PHF24: variants seen among roughly 807,000 people sequenced by gnomAD.
The protein encoded by PHF24 is Galpha inhibitory interacting protein.
In PHF24, 25 loss-of-function variants were observed where a neutral mutation model predicts 42.6. That is an observed-to-expected ratio of 0.59 (90% confidence interval 0.43 to 0.82). PHF24 has a LOEUF of 0.82. Among genes scored for constraint, PHF24 ranks in the 40% least tolerant of loss-of-function variants. The probability of loss-of-function intolerance (pLI) is 0.00; values close to 1 mark genes in which losing one functional copy is unlikely to be tolerated. For synonymous variants in PHF24, 185 were observed against 204.8 expected (o/e 0.90, Z 0.83); for missense variants, 470 against 538.1 (o/e 0.87, Z 1.25).
chr9:34,814,826 T>C, the PHF24 span, among the ~76,000 whole-genome samples: 2 of 152,104 alleles, frequency 1.3e-5, no homozygotes, highest in Non-Finnish European at 2.9e-5. Context: ...CTGCAACCTC[T>C]GCCTCCCGGG....
At chr9:34,876,872 G>A in the PHF24 span, among the ~76,000 whole-genome samples, 3 of 152,090 alleles carry the variant, frequency 2.0e-5, no homozygotes, top group Admixed American at 1.3e-4. Flanking sequence ...CTTCCACACC[G>A]ATGTTCATAG....
At chr9:34,898,233 C>G in the PHF24 span, among the ~76,000 whole-genome samples, 1 of 152,196 alleles carries the variant, frequency 6.6e-6, no homozygotes, top group Non-Finnish European at 1.5e-5. Context: ...ACTTTTAGTT[C>G]TTTAAGGAAT....
At chr9:34,881,613 G>T in the PHF24 span, among the ~76,000 whole-genome samples, 2 of 152,180 alleles carry the variant, frequency 1.3e-5, no homozygotes, top group Non-Finnish European at 2.9e-5. Flanking sequence ...AAATCTAGAA[G>T]AAATGGATAA....
chr9:34,705,301 C>A, the PHF24 span, among the ~76,000 whole-genome samples: 1 of 152,174 alleles, frequency 6.6e-6, no homozygotes, highest in Admixed American at 6.5e-5. Flanking sequence ...GGGTTTATGC[C>A]TTTATTTTAT....
the PHF24 span, among the ~76,000 whole-genome samples, chr9:34,901,078 G>A: frequency 6.6e-6 from 1 of 152,098 alleles, no homozygotes; most frequent in South Asian, 2.1e-4. Context: ...TGCATTTGTA[G>A]TTTAAATCTT....
the PHF24 span, among the ~76,000 whole-genome samples, chr9:34,739,117 G>C: frequency 2.0e-5 from 3 of 152,108 alleles, no homozygotes; most frequent in African/African-American, 7.2e-5. Flanking sequence ...GTTGTTTTGA[G>C]GTGATTTTCT....
the PHF24 span, chr9:34,895,489 A>G: frequency 2.5e-6 from 1 of 398,116 alleles, no homozygotes; most frequent in African/African-American, 2.1e-5. Context: ...CCCCTTTAAA[A>G]AGCAAGGGCT....
At chr9:34,960,564 T>A (rs1826555774) in intron 1 of PHF24, among the ~76,000 whole-genome samples, 1 of 152,154 alleles carries the variant, frequency 6.6e-6, no homozygotes. Flanking sequence ...TTAAAGAAAG[T>A]CAGAAGGACC....
chr9:34,772,038 C>T, the PHF24 span, among the ~76,000 whole-genome samples: 2 of 152,190 alleles, frequency 1.3e-5, no homozygotes, highest in African/African-American at 4.8e-5. Flanking sequence ...AATTTGAAAG[C>T]TGATTCTTAA....
At chr9:34,752,609 AAAG>A in the PHF24 span, among the ~76,000 whole-genome samples, 1 of 152,190 alleles carries the variant, frequency 6.6e-6, no homozygotes, top group Non-Finnish European at 1.5e-5. Context: ...CCAAACATTT[AAAG>A]AAGAACTAAT....
the PHF24 span, among the ~76,000 whole-genome samples, chr9:34,720,140 G>A: frequency 6.6e-6 from 1 of 152,138 alleles, no homozygotes; most frequent in East Asian, 1.9e-4. Flanking sequence ...GCATCCCACT[G>A]TCCCTCAAAA....
chr9:34,958,070 CG>C (rs1032659397), upstream of PHF24, among the ~76,000 whole-genome samples: 1 of 149,874 alleles, frequency 6.7e-6, no homozygotes, highest in African/African-American at 2.4e-5. The surrounding 1 kb of genome is among the most constrained non-coding windows in gnomAD (Gnocchi z 4.5). Context: ...GCGCGCCCGT[CG>C]CCGGTCACCC....
At chr9:34,684,107 G>A in the PHF24 span, among the ~76,000 whole-genome samples, 1 of 152,094 alleles carries the variant, frequency 6.6e-6, no homozygotes, top group Non-Finnish European at 1.5e-5. Context: ...AGTTTCAGTG[G>A]CTTGCAAGTA....
At chr9:34,708,895 G>A in the PHF24 span, 1 of 163,328 alleles carries the variant, frequency 6.1e-6, no homozygotes, top group Non-Finnish European at 1.3e-5. Flanking sequence ...AACTCTTGGG[G>A]TAGATGAGAA....
At chr9:34,826,534 C>G in the PHF24 span, among the ~76,000 whole-genome samples, 1 of 152,348 alleles carries the variant, frequency 6.6e-6, no homozygotes, top group South Asian at 2.1e-4. Context: ...CTTGCCCTCC[C>G]TGCCTGGGCT....
chr9:34,837,817 G>A, the PHF24 span: 6 of 687,798 alleles, frequency 8.7e-6, no homozygotes, highest in East Asian at 3.0e-5. Context: ...TATTTTATAC[G>A]CTTTCCTGGA....
chr9:34,866,489 C>T, the PHF24 span, among the ~76,000 whole-genome samples: 125 of 152,208 alleles, frequency 8.2e-4, no homozygotes, highest in African/African-American at 2.7e-3. Flanking sequence ...GGGAAGGCCA[C>T]GTACCTTACA....
the PHF24 span, among the ~76,000 whole-genome samples, chr9:34,945,233 T>A: frequency 6.6e-6 from 1 of 152,216 alleles, no homozygotes; most frequent in Non-Finnish European, 1.5e-5. Context: ...TACTAGACAA[T>A]GGGTGAACTA....
the PHF24 span, among the ~76,000 whole-genome samples, chr9:34,794,090 A>G: frequency 1.3e-5 from 2 of 152,076 alleles, no homozygotes; most frequent in African/African-American, 2.4e-5. Context: ...AGTTGTTTAT[A>G]TACTCATGGG....
Sources: allele counts gnomAD v4.1 joint callset (sites outside exome capture counted in the v4.1 genomes callset), GRCh38; gene constraint gnomAD v4.1.1; non-coding constraint Gnocchi (gnomAD v3.1); transcripts MANE v1.5; gene names NCBI Gene and HGNC (gene_info 2026-07-23, HGNC 2026-07-21).